Variants in PSAP observed in about 807,000 individuals in gnomAD.
PSAP encodes prosaposin, also known as precursor of saposins.
A neutral mutation model predicts 66.0 loss-of-function variants in PSAP; 25 were observed. The ratio of observed to expected loss-of-function variants is 0.38; its 90% confidence interval spans 0.28 to 0.53. The LOEUF (loss-of-function observed/expected upper bound fraction) is 0.53, where lower values mean the gene tolerates loss of function less well. Ranked by LOEUF, PSAP falls within the 20% of genes least tolerant of loss-of-function variation. The probability of loss-of-function intolerance (pLI) is 0.83; values close to 1 mark genes in which losing one functional copy is unlikely to be tolerated. For missense variants in PSAP, 649 were observed against 668.8 expected (o/e 0.97, Z 0.33); for synonymous variants, 273 against 258.9 (o/e 1.05, Z -0.52).
intron 1 of PSAP, among the ~76,000 whole-genome samples, chr10:71,845,820 G>A (rs1010991171): frequency 1.3e-5 from 2 of 152,158 alleles, no homozygotes; most frequent in Admixed American, 1.3e-4. Flanking sequence ...AAGATCCCCT[G>A]GCAGCTAAAC....
intron 13 of PSAP, among the ~76,000 whole-genome samples, chr10:71,818,179 G>A (rs1817879590): frequency 6.6e-6 from 1 of 152,232 alleles, no homozygotes; most frequent in South Asian, 2.1e-4. Context: ...AGGGCTGCTG[G>A]GCAGGGGCCA....
intron 7 of PSAP, among the ~76,000 whole-genome samples, chr10:71,825,310 C>T (rs1842381449): frequency 6.6e-6 from 1 of 152,180 alleles, no homozygotes; most frequent in African/African-American, 2.4e-5. Flanking sequence ...CGTGGACTAG[C>T]GAGCTCATTT....
At chr10:71,834,565 CT>C in intron 1 of PSAP, 60 bp from the exon 2 acceptor site, 1 of 1,596,248 alleles carries the variant, frequency 6.3e-7, no homozygotes, top group East Asian at 2.3e-5. Flanking sequence ...GTCGACCTGA[CT>C]TATTTCCCCA....
At chr10:71,822,688 G>C (rs1366233995) in intron 7 of PSAP, 1 of 471,430 alleles carries the variant, frequency 2.1e-6, no homozygotes. Context: ...CCAAGAGTGA[G>C]ACAAGTGTAT....
intron 2 of PSAP, 150 bp from the exon 3 acceptor site, chr10:71,832,070 A>C: frequency 1.3e-6 from 1 of 794,686 alleles, no homozygotes; most frequent in Non-Finnish European, 2.2e-6. Flanking sequence ...TCCACCCTGC[A>C]TGAGCAGCGC....
intron 11 of PSAP, 21 bp downstream of exon 11, chr10:71,819,444 G>A (rs200839642): frequency 3.7e-6 from 6 of 1,613,498 alleles, no homozygotes; most frequent in Non-Finnish European, 4.2e-6. Context: ...CTGGCCTACC[G>A]CAGCCCAGCC....
At chr10:71,820,012 C>A in intron 9 of PSAP, 112 bp from the exon 10 acceptor site, 1 of 1,067,198 alleles carries the variant, frequency 9.4e-7, no homozygotes. Context: ...GTGCCGTTTC[C>A]ACCCACAAAA....
chr10:71,826,116 G>C (rs1842396035), intron 6 of PSAP, among the ~76,000 whole-genome samples: 1 of 152,210 alleles, frequency 6.6e-6, no homozygotes, highest in Non-Finnish European at 1.5e-5. Flanking sequence ...AAGACGTTTT[G>C]AAAATGTTTC....
At chr10:71,850,644 T>C (rs1472484070) in intron 1 of PSAP, among the ~76,000 whole-genome samples, 2 of 152,158 alleles carry the variant, frequency 1.3e-5, no homozygotes. Context: ...TTTTACAGAG[T>C]TTGACTCGTT....
At chr10:71,833,821 G>C (rs1842568278) in intron 2 of PSAP, among the ~76,000 whole-genome samples, 1 of 152,226 alleles carries the variant, frequency 6.6e-6, no homozygotes. Flanking sequence ...AGCTTCCTCA[G>C]TGTGGTTACA....
intron 7 of PSAP, among the ~76,000 whole-genome samples, chr10:71,823,220 CG>C (rs1347774115): frequency 6.6e-6 from 1 of 152,184 alleles, no homozygotes; most frequent in African/African-American, 2.4e-5. Context: ...GTGTTCAGGA[CG>C]GCCCCGAAGG....
chr10:71,827,860 T>G (rs761464759), intron 6 of PSAP, among the ~76,000 whole-genome samples, 154 bp downstream of exon 6: 3 of 152,134 alleles, frequency 2.0e-5, no homozygotes, highest in Non-Finnish European at 4.4e-5. Flanking sequence ...CATATCCAGA[T>G]GCCATTAACC....
intron 8 of PSAP, 110 bp downstream of exon 8, chr10:71,821,766 C>G (rs959178637): frequency 1.4e-6 from 2 of 1,459,526 alleles, no homozygotes; most frequent in African/African-American, 2.8e-5. Flanking sequence ...CCTTTAGGAG[C>G]CAGGCAGGGA....
Position 71,824,191 on chromosome 10 carries a change from TG to T in PSAP, c.777+1645del, listed in dbSNP as rs5786049. On this transcript the variant is annotated intron_variant, in intron 7 of 13. Coordinates refer to ENST00000394936, the MANE Select transcript of PSAP (RefSeq NM_002778.4). The stretch of plus-strand genomic sequence containing the variant: ...ACACACTAAATCACACTCAAAACAC[TG>T]TGTAGCAAGAGCCCCAGAAAATGCT... Among the ~76,000 whole-genome samples, 32,555 of 152,002 alleles carry T rather than the reference TG, an allele frequency of 0.21. 3,517 individuals are homozygous for T. Among genetic ancestry groups the T allele is most frequent in the East Asian group, 0.25 (1,280 of 5,152 alleles).
intron 2 of PSAP, among the ~76,000 whole-genome samples, chr10:71,834,167 A>G (rs1842576751): frequency 6.6e-6 from 1 of 152,078 alleles, no homozygotes; most frequent in Non-Finnish European, 1.5e-5. Flanking sequence ...GGAGAGTGAA[A>G]CCTTAACCTC....
At position 71,828,929 on chromosome 10, in the gene PSAP, A is replaced by G. The variant is rs1036922785; in HGVS notation, c.524T>C (p.Ile175Thr). ...TEVVAPFMANIPLLLYPQDGP... is the reference protein window; with the variant it reads ...TEVVAPFMANTPLLLYPQDGP... ...GTCCTGAGGGTAGAGGAGGAGAGGG[A>G]TGTTGGCCATGAAGGGGGCCACCAC... is the stretch of plus-strand genomic sequence containing the variant. Residue 175 changes from isoleucine (I) to threonine (T), a missense_variant, in exon 5 of 14, where the codon ATC (isoleucine) becomes ACC (threonine). Transcript: ENST00000394936. 8.1e-6 allele frequency: 13 copies of G among 1,613,826 alleles called. No homozygotes were observed. The highest frequency in any genetic ancestry group is 1.1e-5 in the Non-Finnish European group (13 of 1,179,990).
intron 2 of PSAP, among the ~76,000 whole-genome samples, chr10:71,833,722 G>A (rs977529674): frequency 1.3e-5 from 2 of 152,218 alleles, no homozygotes; most frequent in African/African-American, 4.8e-5. Flanking sequence ...GCTTGGGACC[G>A]TGAGGAACAC....
chr10:71,845,149 C>T (rs568363904), intron 1 of PSAP, among the ~76,000 whole-genome samples: 1 of 152,198 alleles, frequency 6.6e-6, no homozygotes, highest in South Asian at 2.1e-4. Context: ...TTCTGGCAAC[C>T]CCTGAGGGTC....
At chr10:71,823,867 A>G (rs773170926) in intron 7 of PSAP, 37 of 1,295,660 alleles carry the variant, frequency 2.9e-5, no homozygotes, top group Non-Finnish European at 3.7e-5. Flanking sequence ...CACTACTGCA[A>G]GCAGATTCCC....
Sources: allele counts gnomAD v4.1 joint callset (sites outside exome capture counted in the v4.1 genomes callset), GRCh38; gene constraint gnomAD v4.1.1; transcripts MANE v1.5; gene names NCBI Gene and HGNC (gene_info 2026-07-23, HGNC 2026-07-21).